The following INO80 variants were observed in gnomAD, a reference collection of about 807,000 sequenced individuals.
INO80 encodes the protein INO80 complex ATPase subunit.
A neutral mutation model predicts 203.4 loss-of-function variants in INO80; 20 were observed. That is an observed-to-expected ratio of 0.10 (90% CI 0.07 to 0.14). The LOEUF is 0.14. Among genes scored for constraint, INO80 ranks in the 10% least tolerant of loss-of-function variants. The pLI, the probability that INO80 is intolerant of heterozygous loss-of-function variation, is 1.00. For synonymous variants in INO80, 726 were observed against 685.2 expected (o/e 1.06, Z -0.93); for missense variants, 1,419 against 1,914.4 (o/e 0.74, Z 4.83).
At chr15:41,032,705 G>C (rs559083385) in intron 24 of INO80, among the ~76,000 whole-genome samples, 2 of 152,236 alleles carry the variant, frequency 1.3e-5, no homozygotes, top group East Asian at 3.9e-4. Flanking sequence ...AAATGCCCCC[G>C]ATTTTTAGGA....
chr15:40,984,135 C>T, intron 33 of INO80, 62 bp downstream of exon 33: 1 of 1,549,840 alleles, frequency 6.5e-7, no homozygotes, highest in Non-Finnish European at 8.8e-7. Flanking sequence ...AGCAGTGTGT[C>T]CCTGCTACAC....
intron 9 of INO80, among the ~76,000 whole-genome samples, chr15:41,077,158 C>T (rs765958223): frequency 2.1e-4 from 32 of 151,636 alleles, no homozygotes; most frequent in South Asian, 2.1e-4. Context: ...CCGCCCACCT[C>T]GGCCTCCCAA....
At chr15:41,022,519 C>T (rs1489232669) in intron 25 of INO80, among the ~76,000 whole-genome samples, 2 of 152,126 alleles carry the variant, frequency 1.3e-5, no homozygotes, top group African/African-American at 4.8e-5. Context: ...CAAGTTGAAC[C>T]TTGAGAAATA....
chr15:41,113,548 G>GT (rs763035412), intron 1 of INO80, among the ~76,000 whole-genome samples: 1 of 152,178 alleles, frequency 6.6e-6, no homozygotes, highest in Non-Finnish European at 1.5e-5. Context: ...GATTACAGGC[G>GT]TGAGCCACCG....
intron 27 of INO80, among the ~76,000 whole-genome samples, chr15:41,015,712 G>A (rs1260785435): frequency 1.3e-5 from 2 of 149,520 alleles, no homozygotes; most frequent in Non-Finnish European, 1.5e-5. Flanking sequence ...GAGGTGGGTG[G>A]ATCACTTGAG....
intron 35 of INO80, among the ~76,000 whole-genome samples, chr15:40,982,153 GT>G (rs2140404832): frequency 6.6e-6 from 1 of 152,166 alleles, no homozygotes; most frequent in East Asian, 1.9e-4. Flanking sequence ...TCCTTTTTAC[GT>G]TTTTTAGTTT....
At chr15:41,071,787 A>G in intron 12 of INO80, 62 bp downstream of exon 12, 3 of 1,428,792 alleles carry the variant, frequency 2.1e-6, no homozygotes, top group East Asian at 2.3e-5. Context: ...TCACAATCAC[A>G]TTGAACAAAT....
chr15:41,015,412 A>G (rs1267533707), intron 27 of INO80, among the ~76,000 whole-genome samples: 1 of 152,254 alleles, frequency 6.6e-6, no homozygotes, highest in Non-Finnish European at 1.5e-5. Context: ...CAGGTTGAAT[A>G]GCTGTTCTCT....
At chr15:41,059,643 G>C (rs760529320) in intron 15 of INO80, among the ~76,000 whole-genome samples, 6 of 151,158 alleles carry the variant, frequency 4.0e-5, no homozygotes, top group Non-Finnish European at 8.8e-5. Flanking sequence ...AACAGAGCAA[G>C]ACCTTGTCTC....
intron 35 of INO80, among the ~76,000 whole-genome samples, chr15:40,981,682 T>C (rs1000947615): frequency 6.6e-6 from 1 of 152,226 alleles, no homozygotes; most frequent in African/African-American, 2.4e-5. Context: ...AGTGGCTCTC[T>C]CTTTCTCACC....
chr15:40,994,112 G>A (rs2043849952), intron 29 of INO80, among the ~76,000 whole-genome samples: 1 of 152,048 alleles, frequency 6.6e-6, no homozygotes, highest in Admixed American at 6.6e-5. Flanking sequence ...TACCTGCTCT[G>A]GGCTGCTTCC....
intron 8 of INO80, among the ~76,000 whole-genome samples, chr15:41,080,709 G>C (rs1261094503): frequency 6.6e-6 from 1 of 152,078 alleles, no homozygotes; most frequent in Non-Finnish European, 1.5e-5. Flanking sequence ...AAAAATTATA[G>C]GGCATGATGG....
At chr15:41,080,917 T>C (rs2045475926) in intron 8 of INO80, 103 bp downstream of exon 8, 8 of 746,184 alleles carry the variant, frequency 1.1e-5, no homozygotes, top group South Asian at 1.5e-5. Flanking sequence ...ATTAGATTCA[T>C]GATCAACAGG....
intron 27 of INO80, among the ~76,000 whole-genome samples, 191 bp from the exon 28 acceptor site, chr15:41,005,878 C>T (rs2044033441): frequency 6.7e-6 from 1 of 149,404 alleles, no homozygotes; most frequent in African/African-American, 2.5e-5. Flanking sequence ...TGTGAAAATC[C>T]AGGGCAATCT....
At chr15:41,059,053 G>T (rs536939526) in intron 15 of INO80, among the ~76,000 whole-genome samples, 264 of 152,184 alleles carry the variant, frequency 1.7e-3, no homozygotes, top group Non-Finnish European at 2.7e-3. Flanking sequence ...CTGGGCTCAC[G>T]TGATCCTCCT....
chr15:40,995,476 T>C (rs2043869562), intron 29 of INO80, among the ~76,000 whole-genome samples: 1 of 152,180 alleles, frequency 6.6e-6, no homozygotes, highest in Non-Finnish European at 1.5e-5. Context: ...GCTATAAAGG[T>C]AGATAAAGGA....
intron 1 of INO80, among the ~76,000 whole-genome samples, chr15:41,112,846 T>G (rs2045977316): frequency 6.8e-6 from 1 of 147,782 alleles, no homozygotes; most frequent in African/African-American, 2.5e-5. Context: ...AAACTTAGTC[T>G]CCTATTAACC....
At position 41,112,474 on chromosome 15, in the gene INO80, C is replaced by T. The variant is rs73401011; in HGVS notation, c.-44+3499G>A. 3.9e-3 allele frequency among the ~76,000 whole-genome samples: 590 copies of T among 152,164 alleles called. 8 individuals are homozygous for T. The highest frequency in any genetic ancestry group is 0.013 in the African/African-American group (559 of 41,530). ...AGCCTATCATATCAAGATTTTGATACGTTAGATCCAACTTTAAAACTTTTC... is the reference window on the plus strand; with the variant it reads ...AGCCTATCATATCAAGATTTTGATATGTTAGATCCAACTTTAAAACTTTTC... On this transcript the variant is annotated intron_variant, in intron 1 of 35. Coordinates refer to ENST00000648947, the MANE Select transcript of INO80 (RefSeq NM_017553.3).
At chr15:41,008,430 G>A (rs1428686636) in intron 27 of INO80, among the ~76,000 whole-genome samples, 1 of 152,078 alleles carries the variant, frequency 6.6e-6, no homozygotes, top group Admixed American at 6.6e-5. Context: ...GGGGGTAGGG[G>A]AAATGGGGAG....
Sources: allele counts gnomAD v4.1 joint callset (sites outside exome capture counted in the v4.1 genomes callset), GRCh38; gene constraint gnomAD v4.1.1; transcripts MANE v1.5; gene names NCBI Gene and HGNC (gene_info 2026-07-23, HGNC 2026-07-21).